Variants in AKAP19 observed in about 807,000 individuals in gnomAD.
AKAP19 encodes small A-kinase anchoring protein.
the AKAP19 span, among the ~76,000 whole-genome samples, chr2:190,129,369 T>A: frequency 6.6e-6 from 1 of 152,336 alleles, no homozygotes; most frequent in East Asian, 1.9e-4. Flanking sequence ...TTTGTGAATA[T>A]CTTTGTAAAA....
chr2:189,897,319 A>G, the AKAP19 span, among the ~76,000 whole-genome samples: 26 of 152,238 alleles, frequency 1.7e-4, no homozygotes, highest in Non-Finnish European at 2.5e-4. Flanking sequence ...TTGGTAAGCT[A>G]TTCATCATGA....
the AKAP19 span, among the ~76,000 whole-genome samples, chr2:190,172,224 T>A: frequency 6.6e-6 from 1 of 152,348 alleles, no homozygotes; most frequent in East Asian, 1.9e-4. Flanking sequence ...GATCCAAACT[T>A]ACCCACTTTT....
the AKAP19 span, chr2:190,203,342 G>C: frequency 3.0e-5 from 5 of 167,000 alleles, no homozygotes; most frequent in Admixed American, 3.3e-4. Context: ...AGCACTACCT[G>C]CATCTTAATT....
At chr2:189,888,914 C>G in the AKAP19 span, among the ~76,000 whole-genome samples, 1 of 152,122 alleles carries the variant, frequency 6.6e-6, no homozygotes, top group African/African-American at 2.4e-5. Context: ...TCCTGTCTTC[C>G]CATTTGAATA....
chr2:190,018,540 T>C, the AKAP19 span, among the ~76,000 whole-genome samples: 3 of 152,184 alleles, frequency 2.0e-5, no homozygotes, highest in Non-Finnish European at 4.4e-5. Context: ...ATTTCACATG[T>C]TTTCTATTTG....
chr2:190,077,344 G>C, the AKAP19 span, among the ~76,000 whole-genome samples: 1 of 151,034 alleles, frequency 6.6e-6, no homozygotes, highest in Non-Finnish European at 1.5e-5. Flanking sequence ...CGAGTAGTTG[G>C]GATTACAGGT....
At chr2:189,993,399 A>T in the AKAP19 span, among the ~76,000 whole-genome samples, 2 of 152,100 alleles carry the variant, frequency 1.3e-5, no homozygotes, top group East Asian at 1.9e-4. Context: ...TTGATATGCT[A>T]TTAGATTCAG....
the AKAP19 span, among the ~76,000 whole-genome samples, chr2:190,042,272 C>G: frequency 6.6e-6 from 1 of 152,176 alleles, no homozygotes; most frequent in Middle Eastern, 3.4e-3. Context: ...AGGAATTTAT[C>G]TATCTCTTCT....
the AKAP19 span, among the ~76,000 whole-genome samples, chr2:190,152,023 A>T: frequency 6.7e-6 from 1 of 149,144 alleles, no homozygotes. Context: ...AACAAAAAAA[A>T]AAAACAAAGA....
At chr2:189,940,646 G>C in the AKAP19 span, among the ~76,000 whole-genome samples, 1 of 152,082 alleles carries the variant, frequency 6.6e-6, no homozygotes, top group South Asian at 2.1e-4. Context: ...TTCAGGTATT[G>C]AAAGGCCAGA....
At chr2:190,102,242 A>G in the AKAP19 span, among the ~76,000 whole-genome samples, 2 of 152,064 alleles carry the variant, frequency 1.3e-5, no homozygotes, top group Non-Finnish European at 2.9e-5. Flanking sequence ...AATTAGAAAG[A>G]CCCCAAATTA....
At chr2:190,011,385 C>T in the AKAP19 span, among the ~76,000 whole-genome samples, 2 of 152,088 alleles carry the variant, frequency 1.3e-5, no homozygotes, top group African/African-American at 4.8e-5. Flanking sequence ...TTTAGGTTGC[C>T]TCTTCACTCT....
the AKAP19 span, chr2:190,201,128 G>A: frequency 1.8e-5 from 3 of 166,924 alleles, no homozygotes; most frequent in Admixed American, 1.3e-4. Flanking sequence ...GAGAGTACTC[G>A]TTTTCTGGGT....
the AKAP19 span, among the ~76,000 whole-genome samples, chr2:190,188,842 G>A: frequency 1.3e-5 from 2 of 152,020 alleles, no homozygotes; most frequent in Admixed American, 6.6e-5. Context: ...TAAATCTTGA[G>A]GCTTCTGTGG....
chr2:190,035,989 A>G, the AKAP19 span, among the ~76,000 whole-genome samples: 134,233 of 152,192 alleles, frequency 0.88, 61,048 homozygotes, highest in East Asian at 1. Context: ...AAACAGCCAA[A>G]CTGTTTTTCA....
At chr2:189,988,537 CA>C in the AKAP19 span, among the ~76,000 whole-genome samples, 1 of 152,212 alleles carries the variant, frequency 6.6e-6, no homozygotes, top group East Asian at 1.9e-4. Flanking sequence ...ATTGTTTCCT[CA>C]TATGAGAAGC....
chr2:189,941,608 TGTCATATCTA>T, the AKAP19 span, among the ~76,000 whole-genome samples: 1 of 152,218 alleles, frequency 6.6e-6, no homozygotes, highest in African/African-American at 2.4e-5. Flanking sequence ...TAAAATAACT[TGTCATATCTA>T]TAAGATGTTT....
chr2:190,057,252 T>G, the AKAP19 span: 1 of 1,613,020 alleles, frequency 6.2e-7, no homozygotes, highest in Non-Finnish European at 8.5e-7. Flanking sequence ...ACGCTTAATA[T>G]AAATCTCATG....
At chr2:190,008,763 CACACACA>C in the AKAP19 span, among the ~76,000 whole-genome samples, 5 of 118,056 alleles carry the variant, frequency 4.2e-5, no homozygotes, top group African/African-American at 1.3e-4. Flanking sequence ...CACACACACA[CACACACA>C]CCCACCTGGT....
Sources: gnomAD v4.1 joint callset for allele counts (sites outside exome capture counted in the v4.1 genomes callset) on GRCh38, gnomAD v4.1.1 for gene constraint, MANE v1.5 for transcripts, NCBI Gene and HGNC (gene_info 2026-07-23, HGNC 2026-07-21) for gene names.